The following SEPTIN11 variants were observed in gnomAD, a reference collection of about 807,000 sequenced individuals.
SEPTIN11 encodes the protein septin 11.
In SEPTIN11, 25 loss-of-function variants were observed where a neutral mutation model predicts 51.4. The ratio of observed to expected loss-of-function variants is 0.49; its 90% confidence interval spans 0.35 to 0.68. SEPTIN11 has a LOEUF of 0.68. Ranked by LOEUF, SEPTIN11 falls within the 30% of genes least tolerant of loss-of-function variation. The probability of loss-of-function intolerance (pLI) is 0.00; values close to 1 mark genes in which losing one functional copy is unlikely to be tolerated. For missense variants in SEPTIN11, 381 were observed against 520.8 expected (o/e 0.73, Z 2.61); for synonymous variants, 174 against 184.1 (o/e 0.95, Z 0.44).
chr4:76,977,898 A>G (rs1263931484), intron 1 of SEPTIN11, among the ~76,000 whole-genome samples: 3 of 152,318 alleles, frequency 2.0e-5, no homozygotes, highest in African/African-American at 4.8e-5. Flanking sequence ...TCAGTAGTCT[A>G]TAAGAAGCTA....
rs1727058082 is a variant in SEPTIN11, at chr4:77,036,763, TTCA to T, written c.*2252_*2254del. ...TTTCTTTCTGTATCTATGCCTTTTT[TTCA>T]CAGTAGTCCTTGGCTCTGCACGGAA... On this transcript the variant is annotated 3_prime_UTR_variant, in exon 10 of 10. Coordinates refer to ENST00000264893, the MANE Select transcript of SEPTIN11 (RefSeq NM_018243.4). The T allele has an allele frequency of 6.5e-7, 1 of 1,535,968 alleles. No homozygotes were observed. The highest frequency in any genetic ancestry group is 1.7e-4 in the Middle Eastern group (1 of 5,988).
intron 1 of SEPTIN11, among the ~76,000 whole-genome samples, chr4:76,983,157 G>A (rs11930058): frequency 0.12 from 17,886 of 152,158 alleles, 1,276 homozygotes; most frequent in South Asian, 0.2. Flanking sequence ...TTATGGCACA[G>A]CTGTCGTTTA....
intron 1 of SEPTIN11, among the ~76,000 whole-genome samples, chr4:76,976,097 T>C (rs944371543): frequency 6.6e-6 from 1 of 152,214 alleles, no homozygotes; most frequent in African/African-American, 2.4e-5. Flanking sequence ...TGTTCTATTT[T>C]CTTTACATGG....
chr4:76,958,954 G>A, intron 1 of SEPTIN11: 1 of 1,090,130 alleles, frequency 9.2e-7, no homozygotes. Flanking sequence ...ATGTTGGCAT[G>A]CATTTGACTT....
chr4:77,019,036 C>A, intron 5 of SEPTIN11, 129 bp from the exon 6 acceptor site: 1 of 786,420 alleles, frequency 1.3e-6, no homozygotes, highest in Non-Finnish European at 2.0e-6. Flanking sequence ...ATCCACCCAC[C>A]AAACTGCAGC....
In SEPTIN11 at chr4:77,014,993, G is replaced by A. The variant is rs1489197513; in HGVS notation, c.663G>A (p.Val221=). ...IYQFPTDEET[V]AEINATMSVH... ...AGTTTCCCACTGATGAAGAAACGGT[G>A]GCAGAGATTAACGCAACAATGAGTG... Residue 221 remains valine (V), a synonymous_variant, in exon 5 of 10, where the codon GTG becomes GTA. Coordinates refer to ENST00000264893, the MANE Select transcript of SEPTIN11 (RefSeq NM_018243.4). The A allele has an allele frequency of 3.1e-6, 5 of 1,613,550 alleles. No individual in the cohort carries two copies. Among genetic ancestry groups the A allele is most frequent in the South Asian group, 2.2e-5 (2 of 90,900 alleles).
At chr4:76,955,085 G>T (rs1206764807) in intron 1 of SEPTIN11, among the ~76,000 whole-genome samples, 2 of 152,076 alleles carry the variant, frequency 1.3e-5, no homozygotes, top group African/African-American at 4.8e-5. Flanking sequence ...CCTTTGGGAA[G>T]AATTGATTTT....
chr4:77,039,128 A>G, downstream of SEPTIN11: 1 of 1,288,834 alleles, frequency 7.8e-7, no homozygotes, highest in Non-Finnish European at 1.0e-6. Context: ...TAATGGACAT[A>G]GAGCATTAGA....
chr4:76,950,397 T>C (rs1019291514), intron 1 of SEPTIN11, among the ~76,000 whole-genome samples: 2 of 152,152 alleles, frequency 1.3e-5, no homozygotes, highest in East Asian at 3.9e-4. Context: ...AGGGGTGGGA[T>C]TTCCGTGGTG....
At chr4:77,030,628 C>G (rs1198224804) in intron 8 of SEPTIN11, among the ~76,000 whole-genome samples, 155 bp from the exon 9 acceptor site, 2 of 152,070 alleles carry the variant, frequency 1.3e-5, no homozygotes, top group African/African-American at 4.8e-5. Flanking sequence ...AACTCCTGAC[C>G]TCGTGATCCA....
At chr4:76,964,618 A>G (rs1028530889) in intron 1 of SEPTIN11, among the ~76,000 whole-genome samples, 1 of 152,224 alleles carries the variant, frequency 6.6e-6, no homozygotes, top group Admixed American at 6.5e-5. Flanking sequence ...AAGATAGGTC[A>G]TGAGTATTCA....
chr4:77,031,150 A>G, intron 9 of SEPTIN11, 180 bp downstream of exon 9: 1 of 602,574 alleles, frequency 1.7e-6, no homozygotes, highest in Non-Finnish European at 2.8e-6. Context: ...AAGGTACACA[A>G]AGATTAATTT....
In SEPTIN11 at chr4:77,001,539, G is replaced by A. The variant is rs188828225; in HGVS notation, c.143-4062G>A. Among the ~76,000 whole-genome samples, 344 of 152,000 alleles carry A rather than the reference G, an allele frequency of 2.3e-3. 1 individual carries two copies. The highest frequency in any genetic ancestry group is 7.9e-3 in the African/African-American group (327 of 41,452). On this transcript the variant is annotated intron_variant, in intron 2 of 9. Coordinates refer to ENST00000264893, the MANE Select transcript of SEPTIN11 (RefSeq NM_018243.4). ...TAATTTTTGTATTTTTAGTAGAGACGGGGTTTCACCATGTTGGCCAGGATG... is the reference window on the plus strand; with the variant it reads ...TAATTTTTGTATTTTTAGTAGAGACAGGGTTTCACCATGTTGGCCAGGATG...
At chr4:76,974,205 C>A (rs1722379806) in intron 1 of SEPTIN11, among the ~76,000 whole-genome samples, 1 of 152,136 alleles carries the variant, frequency 6.6e-6, no homozygotes, top group Non-Finnish European at 1.5e-5. Flanking sequence ...GAAATTGGGA[C>A]AAAAACATCC....
At chr4:77,011,258 C>T (rs1724840942) in intron 3 of SEPTIN11, among the ~76,000 whole-genome samples, 1 of 152,058 alleles carries the variant, frequency 6.6e-6, no homozygotes, top group South Asian at 2.1e-4. Flanking sequence ...GCACCAGTGG[C>T]AATCAGTAGG....
At chr4:77,022,268 A>T (rs781113882) in intron 7 of SEPTIN11, among the ~76,000 whole-genome samples, 1 of 152,156 alleles carries the variant, frequency 6.6e-6, no homozygotes. Flanking sequence ...CCTTCATTCA[A>T]ATCCAGACAG....
intron 9 of SEPTIN11, chr4:77,031,481 G>A (rs943181390): frequency 1.3e-5 from 2 of 152,414 alleles, no homozygotes; most frequent in Non-Finnish European, 2.9e-5. Context: ...TTGTGAAATG[G>A]GATCCAAATG....
intron 2 of SEPTIN11, among the ~76,000 whole-genome samples, chr4:76,999,607 G>T (rs1723979445): frequency 6.6e-6 from 1 of 152,202 alleles, no homozygotes. Flanking sequence ...TCTCAGAATT[G>T]TAATTTTGTT....
At chr4:76,972,017 G>A (rs1257140497) in intron 1 of SEPTIN11, among the ~76,000 whole-genome samples, 2 of 152,306 alleles carry the variant, frequency 1.3e-5, no homozygotes, top group African/African-American at 2.4e-5. Flanking sequence ...AGGTTGTTAC[G>A]ATCCCCAACT....
Sources: gnomAD v4.1 joint callset for allele counts (sites outside exome capture counted in the v4.1 genomes callset) on GRCh38, gnomAD v4.1.1 for gene constraint, MANE v1.5 for transcripts, NCBI Gene and HGNC (gene_info 2026-07-23, HGNC 2026-07-21) for gene names.